The following SHANK2 variants were observed in gnomAD, a reference collection of about 807,000 sequenced individuals.
The protein encoded by SHANK2 is SH3 and multiple ankyrin repeat domains protein 2.
Under a neutral mutation model 133.7 loss-of-function variants are expected in SHANK2, and 43 were observed. The observed-to-expected ratio is 0.32, with a 90% CI of 0.25 to 0.41. The LOEUF is 0.41. Ranked by LOEUF, SHANK2 falls within the 10% of genes least tolerant of loss-of-function variation. The pLI, the probability that SHANK2 is intolerant of heterozygous loss-of-function variation, is 1.00. For synonymous variants in SHANK2, 1,017 were observed against 952.8 expected (o/e 1.07, Z -1.24); for missense variants, 1,994 against 2,235.8 (o/e 0.89, Z 2.18).
intron 15 of SHANK2, among the ~76,000 whole-genome samples, chr11:70,690,016 C>T (rs1391736326): frequency 6.6e-6 from 1 of 152,072 alleles, no homozygotes; most frequent in Non-Finnish European, 1.5e-5. Context: ...GGTTACATTC[C>T]AGATACCTTT....
intron 1 of SHANK2, among the ~76,000 whole-genome samples, chr11:71,231,710 G>A (rs7117245): frequency 0.11 from 17,133 of 152,076 alleles, 980 homozygotes; most frequent in Middle Eastern, 0.19. Flanking sequence ...TCAAGGTAGC[G>A]AAATCCAGTC....
intron 17 of SHANK2, among the ~76,000 whole-genome samples, chr11:70,655,069 A>G (rs1023846146): frequency 5.3e-5 from 8 of 152,012 alleles, no homozygotes; most frequent in African/African-American, 1.7e-4. Context: ...CCTGTTTTTT[A>G]AAAAATTATT....
At chr11:70,547,502 C>T (rs1202802542) in intron 17 of SHANK2, among the ~76,000 whole-genome samples, 5 of 152,048 alleles carry the variant, frequency 3.3e-5, no homozygotes, top group African/African-American at 1.2e-4. Context: ...CTTGGGTGAT[C>T]CACCCACCTC....
intron 14 of SHANK2, among the ~76,000 whole-genome samples, chr11:70,710,208 C>G (rs1467140566): frequency 1.3e-5 from 2 of 152,214 alleles, no homozygotes; most frequent in African/African-American, 2.4e-5. Context: ...CTCCCCACAC[C>G]TGGGGGCTGT....
At chr11:70,785,577 A>G (rs1395641549) in intron 14 of SHANK2, among the ~76,000 whole-genome samples, 1 of 152,172 alleles carries the variant, frequency 6.6e-6, no homozygotes, top group Non-Finnish European at 1.5e-5. Flanking sequence ...AGTGAATGCC[A>G]CTACCTCTGT....
rs1166110092 is a variant in SHANK2, at chr11:71,057,893, T to G, written c.1030-1335A>C. 3.3e-5 allele frequency among the ~76,000 whole-genome samples: 5 copies of G among 149,680 alleles called. No homozygotes were observed. The Admixed American group carries it at 3.4e-4, about 10-fold the overall frequency. On this transcript the variant is annotated intron_variant, in intron 9 of 25. Transcript: ENST00000601538. ...ATATGTGGGCTTATATTATTTAATG[T>G]TGTTAAAAGCAAGCAAAACGGTTTT...
intron 17 of SHANK2, among the ~76,000 whole-genome samples, chr11:70,639,738 G>C (rs894418051): frequency 5.9e-5 from 9 of 152,286 alleles, no homozygotes; most frequent in Admixed American, 3.3e-4. Flanking sequence ...CCCCTGGCTG[G>C]CCAGGGACAT....
intron 17 of SHANK2, among the ~76,000 whole-genome samples, chr11:70,525,666 C>T (rs543718813): frequency 1.8e-4 from 27 of 152,136 alleles, no homozygotes; most frequent in African/African-American, 5.3e-4. Context: ...GCCAGGGGAA[C>T]GGAGCCCTGG....
chr11:70,934,246 CAAA>C (rs11411212), intron 10 of SHANK2, among the ~76,000 whole-genome samples: 5 of 114,076 alleles, frequency 4.4e-5, no homozygotes, highest in Non-Finnish European at 1.8e-5. Context: ...ACAACACCAC[CAAA>C]AAAAAAAAAA....
intron 17 of SHANK2, among the ~76,000 whole-genome samples, chr11:70,657,446 G>T (rs782354745): frequency 1.3e-5 from 2 of 152,158 alleles, no homozygotes; most frequent in Non-Finnish European, 2.9e-5. Flanking sequence ...AAATCCAGTC[G>T]CTAGGAACAC....
In SHANK2 at chr11:71,147,150, G is replaced by C; in HGVS notation, c.177C>G (p.Ile59Met). The C allele has an allele frequency of 6.5e-7, 1 of 1,549,924 alleles. No individual in the cohort carries two copies. The highest frequency in any genetic ancestry group is 8.7e-7 in the Non-Finnish European group (1 of 1,146,906). ...GCTGCAGGTCATGGATGACCACGCG[G>C]ATCACCAGCGTGTTGCCCTGGCTCT... ...TEESQGNTLV[I>M]RVVIHDLQQT... The change falls in exon 3 of 26, where the codon ATC (isoleucine) becomes ATG (methionine). Residue 59 changes from isoleucine to methionine, a missense_variant. This residue lies in a region of SHANK2 where 653 missense variants were observed against 563.4 expected (regional missense o/e 1.16). Coordinates refer to ENST00000601538, the MANE Select transcript of SHANK2 (RefSeq NM_012309.5).
intron 17 of SHANK2, among the ~76,000 whole-genome samples, chr11:70,645,439 T>C (rs1288531816): frequency 5.3e-5 from 8 of 151,880 alleles, no homozygotes; most frequent in Admixed American, 3.3e-4. Flanking sequence ...AACAAAAAAC[T>C]GAACAACAAA....
At chr11:70,795,088 C>T (rs1947878333) in intron 14 of SHANK2, among the ~76,000 whole-genome samples, 1 of 152,160 alleles carries the variant, frequency 6.6e-6, no homozygotes, top group South Asian at 2.1e-4. Flanking sequence ...CTCCTCGACT[C>T]CTCTGTGCTG....
chr11:70,773,372 C>T lies in SHANK2; in HGVS notation c.1777+25071G>A, dbSNP rs182623072. Among the ~76,000 whole-genome samples, 60 of 152,286 alleles carry T rather than the reference C, an allele frequency of 3.9e-4. 1 individual carries two copies. Among genetic ancestry groups the T allele is most frequent in the South Asian group, 4.1e-4 (2 of 4,824 alleles). On this transcript the variant is annotated intron_variant, in intron 14 of 25. Coordinates refer to ENST00000601538, the MANE Select transcript of SHANK2 (RefSeq NM_012309.5). ...ATAAGTCAGAAGTGGGGGGAACAGGCGACAAATGTCACACATCTGTGACAA... is the reference window on the plus strand; with the variant it reads ...ATAAGTCAGAAGTGGGGGGAACAGGTGACAAATGTCACACATCTGTGACAA...
intron 10 of SHANK2, among the ~76,000 whole-genome samples, chr11:70,914,707 T>TAAAATAAAAC (rs1950245027): frequency 6.8e-6 from 1 of 147,420 alleles, no homozygotes; most frequent in Non-Finnish European, 1.5e-5. Context: ...TAAAATAAAA[T>TAAAATAAAAC]AAAATAAAAT....
intron 10 of SHANK2, among the ~76,000 whole-genome samples, chr11:70,899,487 T>C (rs1368620318): frequency 1.3e-5 from 2 of 152,160 alleles, no homozygotes; most frequent in African/African-American, 2.4e-5. Context: ...TGGACTAAGA[T>C]GTGGGGGAAG....
intron 17 of SHANK2, among the ~76,000 whole-genome samples, chr11:70,648,498 A>G (rs1210452835): frequency 6.6e-6 from 1 of 152,196 alleles, no homozygotes. Context: ...TGTGTCTGAC[A>G]TGATTTACTC....
Position 70,933,933 on chromosome 11 carries a change from AC to A in SHANK2, c.1108-37367del, listed in dbSNP as rs1374159293. Among the ~76,000 whole-genome samples the A allele has an allele frequency of 4.7e-4, 70 of 149,916 alleles. 1 individual carries two copies. The highest frequency in any genetic ancestry group is 1.3e-3 in the African/African-American group (54 of 40,502). ...AAAAAAACAAAAAACAAACAAACAA[AC>A]AAACAAAACAACAACAGCTGGGCGC... On this transcript the variant is annotated intron_variant, in intron 10 of 25. Transcript: ENST00000601538.
At chr11:70,927,336 G>A (rs781915845) in intron 10 of SHANK2, among the ~76,000 whole-genome samples, 1 of 152,002 alleles carries the variant, frequency 6.6e-6, no homozygotes, top group Non-Finnish European at 1.5e-5. Context: ...AAAATATTCC[G>A]TTTATCCCAT....
Sources: allele counts gnomAD v4.1 joint callset (sites outside exome capture counted in the v4.1 genomes callset), GRCh38; gene constraint gnomAD v4.1.1; regional missense constraint gnomAD v4.1.1; transcripts MANE v1.5; gene names NCBI Gene and HGNC (gene_info 2026-07-23, HGNC 2026-07-21).